The following KIAA1217 variants were observed in gnomAD, a reference collection of about 807,000 sequenced individuals.
KIAA1217 encodes sickle tail protein homolog.
Under a neutral mutation model 163.9 loss-of-function variants are expected in KIAA1217, and 88 were observed. The observed-to-expected ratio is 0.54, with a 90% CI of 0.45 to 0.64. KIAA1217 has a LOEUF of 0.64. KIAA1217 is among the 30% of genes least tolerant of loss of function. The probability of loss-of-function intolerance (pLI) is 0.00; values close to 1 mark genes in which losing one functional copy is unlikely to be tolerated. For synonymous variants in KIAA1217, 903 were observed against 923.1 expected, an observed-to-expected ratio of 0.98 and a Z score of 0.39; for missense variants, 2,372 against 2,475.0, an observed-to-expected ratio of 0.96 and a Z score of 0.88.
chr10:23,754,669 G>A (rs534518468), intron 1 of KIAA1217, among the ~76,000 whole-genome samples: 4 of 152,240 alleles, frequency 2.6e-5, no homozygotes, highest in African/African-American at 9.6e-5. Context: ...CGAGGATAAA[G>A]TGTCCGCCTC....
At chr10:24,233,402 AG>A (rs1271354002) in intron 2 of KIAA1217, among the ~76,000 whole-genome samples, 1 of 152,166 alleles carries the variant, frequency 6.6e-6, no homozygotes, top group African/African-American at 2.4e-5. Flanking sequence ...ACCTCCCATT[AG>A]GCCCCTTCAA....
chr10:23,758,260 A>C (rs1163309635), intron 1 of KIAA1217, among the ~76,000 whole-genome samples: 1 of 152,182 alleles, frequency 6.6e-6, no homozygotes, highest in Non-Finnish European at 1.5e-5. Flanking sequence ...GTCCAATTTC[A>C]TTCTTTTGCA....
rs185919206 is a variant in KIAA1217 at position 24,149,598 on chromosome 10, A to G, written c.-170-70028A>G. ...AAGAAAAAAAAATAAACAAATTTTT[A>G]TTTTAAATAAAACTAAAAATGGGAG... On this transcript the variant is annotated intron_variant, in intron 2 of 18. Transcript: ENST00000376462. Among the ~76,000 whole-genome samples the G allele has an allele frequency of 4.6e-5, 7 of 152,264 alleles. No homozygotes were observed. In the East Asian group the frequency reaches 1.3e-3, roughly 29 times the overall value.
intron 1 of KIAA1217, among the ~76,000 whole-genome samples, chr10:23,704,172 G>GTGTGTATATATATATATA (rs1229370789): frequency 3.3e-4 from 13 of 39,948 alleles, no homozygotes; most frequent in African/African-American, 4.0e-4. Flanking sequence ...GTGTGTGTGT[G>GTGTGTATATATATATATA]TATATATATA....
chr10:23,945,814 G>A (rs1844005879), intron 1 of KIAA1217, among the ~76,000 whole-genome samples: 1 of 152,118 alleles, frequency 6.6e-6, no homozygotes, highest in Admixed American at 6.5e-5. Context: ...AAATATGACA[G>A]GGGTGTGACA....
intron 2 of KIAA1217, among the ~76,000 whole-genome samples, chr10:24,263,915 T>G (rs373150879): frequency 6.6e-6 from 1 of 152,188 alleles, no homozygotes; most frequent in East Asian, 1.9e-4. Flanking sequence ...TGGAGTGCAG[T>G]GGTGCGATCT....
intron 1 of KIAA1217, among the ~76,000 whole-genome samples, chr10:23,923,943 T>C (rs1340910751): frequency 6.6e-6 from 1 of 152,202 alleles, no homozygotes; most frequent in East Asian, 1.9e-4. Flanking sequence ...AGCTTTCACG[T>C]TTACCTTTAT....
At chr10:23,902,980 G>C (rs1440774650) in intron 1 of KIAA1217, among the ~76,000 whole-genome samples, 2 of 152,094 alleles carry the variant, frequency 1.3e-5, no homozygotes, top group Non-Finnish European at 2.9e-5. Flanking sequence ...CCTAAGCAGG[G>C]TGTAGCGTTG....
intron 1 of KIAA1217, among the ~76,000 whole-genome samples, chr10:23,919,639 C>T (rs112399710): frequency 6.9e-6 from 1 of 145,490 alleles, no homozygotes; most frequent in Non-Finnish European, 1.5e-5. Flanking sequence ...AAAGGCTCTG[C>T]AGATTCATTT....
intron 2 of KIAA1217, among the ~76,000 whole-genome samples, chr10:24,061,655 T>A (rs2060726866): frequency 6.6e-6 from 1 of 152,184 alleles, no homozygotes; most frequent in South Asian, 2.1e-4. Flanking sequence ...TTGACCAGCA[T>A]AATCTTCTTA....
intron 1 of KIAA1217, among the ~76,000 whole-genome samples, chr10:23,898,310 C>T (rs773243118): frequency 0.23 from 34,071 of 147,526 alleles, 3,953 homozygotes; most frequent in Middle Eastern, 0.31. Context: ...TATATACACA[C>T]ACACACACAC....
chr10:24,314,587 A>G (rs2043115778), intron 2 of KIAA1217, among the ~76,000 whole-genome samples: 1 of 152,206 alleles, frequency 6.6e-6, no homozygotes, highest in Non-Finnish European at 1.5e-5. Flanking sequence ...AGCTTTAACT[A>G]ATTTCCATGG....
intron 1 of KIAA1217, among the ~76,000 whole-genome samples, chr10:23,706,821 A>G (rs907261755): frequency 1.3e-5 from 2 of 152,140 alleles, no homozygotes; most frequent in Non-Finnish European, 2.9e-5. Context: ...TGTAAGATGA[A>G]GGGAAGAGAA....
At chr10:24,352,833 C>G (rs1221633975) in intron 2 of KIAA1217, among the ~76,000 whole-genome samples, 1 of 152,036 alleles carries the variant, frequency 6.6e-6, no homozygotes, top group Non-Finnish European at 1.5e-5. Flanking sequence ...ATATGAGTGA[C>G]CTCGACTTTG....
intron 2 of KIAA1217, among the ~76,000 whole-genome samples, chr10:24,242,293 T>C (rs1006871335): frequency 6.6e-6 from 1 of 152,218 alleles, no homozygotes; most frequent in African/African-American, 2.4e-5. Context: ...TTCCCATGTT[T>C]ACATCCATGT....
intron 1 of KIAA1217, among the ~76,000 whole-genome samples, chr10:23,840,594 G>C (rs955395819): frequency 9.9e-5 from 15 of 152,132 alleles, no homozygotes; most frequent in African/African-American, 3.4e-4. Context: ...GTTTAATGAA[G>C]AATTAGTGAT....
At chr10:24,135,988 C>T (rs942080510) in intron 2 of KIAA1217, among the ~76,000 whole-genome samples, 5 of 152,076 alleles carry the variant, frequency 3.3e-5, no homozygotes, top group Admixed American at 3.3e-4. Context: ...AGCTACATAC[C>T]TAGTTTGGAG....
At chr10:24,215,682 C>T (rs1159114550) in intron 1 of KIAA1217, among the ~76,000 whole-genome samples, 1 of 152,230 alleles carries the variant, frequency 6.6e-6, no homozygotes, top group Non-Finnish European at 1.5e-5. Context: ...GTTGTTGCTT[C>T]TCCCCCAGGT....
chr10:24,282,446 C>A (rs1261694714), intron 2 of KIAA1217, among the ~76,000 whole-genome samples: 3 of 152,140 alleles, frequency 2.0e-5, no homozygotes, highest in Non-Finnish European at 2.9e-5. Context: ...TTGGAATTCT[C>A]TGCATAAGAA....
Sources: allele counts gnomAD v4.1 joint callset (sites outside exome capture counted in the v4.1 genomes callset), GRCh38; gene constraint gnomAD v4.1.1; transcripts MANE v1.5; gene names NCBI Gene and HGNC (gene_info 2026-07-23, HGNC 2026-07-21).